The following NCOR2 variants were observed in gnomAD, a reference collection of about 807,000 sequenced individuals.
NCOR2 encodes CTG repeat protein 26.
A neutral mutation model predicts 262.9 loss-of-function variants in NCOR2; 81 were observed. The ratio of observed to expected loss-of-function variants is 0.31; its 90% CI spans 0.26 to 0.37. NCOR2 has a LOEUF of 0.37. Among genes scored for constraint, NCOR2 ranks in the 10% least tolerant of loss-of-function variants. The pLI is 1.00. For missense variants in NCOR2, 3,385 were observed against 3,621.4 expected, an observed-to-expected ratio of 0.93 and a Z score of 1.68; for synonymous variants, 1,659 against 1,559.3, an observed-to-expected ratio of 1.06 and a Z score of -1.51.
At chr12:124,478,061 A>G (rs2047203313) in intron 3 of NCOR2, among the ~76,000 whole-genome samples, 1 of 152,208 alleles carries the variant, frequency 6.6e-6, no homozygotes. Flanking sequence ...GGTGAGGAGG[A>G]AAAGCAGTTT....
intron 19 of NCOR2, among the ~76,000 whole-genome samples, chr12:124,373,093 G>A (rs1033828238): frequency 2.0e-5 from 3 of 152,242 alleles, no homozygotes; most frequent in Admixed American, 1.3e-4. Flanking sequence ...CTCACAGGGC[G>A]GAGAAGCTGG....
chr12:124,344,189 C>T (rs368812696), intron 32 of NCOR2, among the ~76,000 whole-genome samples: 1 of 152,236 alleles, frequency 6.6e-6, no homozygotes, highest in East Asian at 1.9e-4. Context: ...CTGGGGAGGA[C>T]GAAGGAATCC....
chr12:124,388,527 A>G (rs2040988155), intron 16 of NCOR2, among the ~76,000 whole-genome samples: 1 of 152,002 alleles, frequency 6.6e-6, no homozygotes, highest in Admixed American at 6.5e-5. Context: ...GAGAGAGGAG[A>G]GGGCATGGGG....
chr12:124,559,537 A>G (rs1021104481), intron 1 of NCOR2, among the ~76,000 whole-genome samples: 6 of 152,170 alleles, frequency 3.9e-5, no homozygotes, highest in Non-Finnish European at 7.4e-5. Flanking sequence ...GTTTCCTCCT[A>G]TGGAATGCTG....
intron 1 of NCOR2, among the ~76,000 whole-genome samples, chr12:124,527,208 G>A (rs914768490): frequency 3.9e-5 from 6 of 152,118 alleles, no homozygotes; most frequent in East Asian, 1.9e-4. Flanking sequence ...ACGGCGCCCC[G>A]CACAGACGCG....
At chr12:124,495,468 G>T (rs146158053), upstream of NCOR2, 1 of 889,620 alleles carries the variant, frequency 1.1e-6, no homozygotes, top group Non-Finnish European at 1.6e-6. This position sits in a 1 kb window ranked among gnomAD's most constrained non-coding sequence, Gnocchi z 4.4. Flanking sequence ...GTGAGGACAC[G>T]CGAGCACCCA....
chr12:124,394,419 G>A (rs1335327955), intron 16 of NCOR2, among the ~76,000 whole-genome samples: 3 of 152,192 alleles, frequency 2.0e-5, no homozygotes, highest in Non-Finnish European at 4.4e-5. Flanking sequence ...AAAACCCCAG[G>A]AAGGTGGGTG....
intron 17 of NCOR2, among the ~76,000 whole-genome samples, chr12:124,379,540 G>T (rs1042287700): frequency 3.9e-5 from 6 of 152,234 alleles, no homozygotes; most frequent in African/African-American, 1.4e-4. Context: ...GGACTGGAAA[G>T]ACACTGGGGG....
chr12:124,376,026 G>A (rs1360158156), intron 18 of NCOR2, among the ~76,000 whole-genome samples: 1 of 152,178 alleles, frequency 6.6e-6, no homozygotes, highest in Non-Finnish European at 1.5e-5. Flanking sequence ...GGCTGGGCCG[G>A]CAGACCCCGA....
intron 5 of NCOR2, among the ~76,000 whole-genome samples, chr12:124,464,920 A>T (rs2136624509): frequency 6.6e-6 from 1 of 152,300 alleles, no homozygotes; most frequent in Non-Finnish European, 1.5e-5. Context: ...GTGAGGGGTC[A>T]GGGTGTGGGA....
intron 2 of NCOR2, among the ~76,000 whole-genome samples, chr12:124,484,871 C>T (rs2047692238): frequency 6.6e-6 from 1 of 152,248 alleles, no homozygotes. Context: ...TCCCCAGGTA[C>T]TGGCGCACAG....
chr12:124,522,717 G>A (rs2050254084), intron 1 of NCOR2, among the ~76,000 whole-genome samples: 3 of 152,222 alleles, frequency 2.0e-5, no homozygotes, highest in South Asian at 2.1e-4. Flanking sequence ...TCGCATGCCC[G>A]GAAACACCTT....
upstream of NCOR2, among the ~76,000 whole-genome samples, chr12:124,499,970 C>T (rs185331529): frequency 9.9e-4 from 150 of 152,190 alleles, 1 homozygote; most frequent in Non-Finnish European, 1.7e-3. Context: ...GCTGACTCTG[C>T]AGGCCGAGGA....
At chr12:124,487,721 T>G (rs1197522408) in intron 1 of NCOR2, among the ~76,000 whole-genome samples, 1 of 152,262 alleles carries the variant, frequency 6.6e-6, no homozygotes, top group African/African-American at 2.4e-5. Flanking sequence ...ATAGCACAAT[T>G]GTCCTGTACG....
intron 8 of NCOR2, among the ~76,000 whole-genome samples, chr12:124,433,449 C>G (rs1043334163): frequency 4.3e-4 from 65 of 152,306 alleles, no homozygotes; most frequent in Middle Eastern, 3.4e-3. Flanking sequence ...CCAGCGGGGC[C>G]TCAGCCTGTC....
intron 16 of NCOR2, among the ~76,000 whole-genome samples, chr12:124,393,243 C>G (rs145849152): frequency 3.7e-4 from 57 of 152,324 alleles, no homozygotes; most frequent in African/African-American, 1.2e-3. Flanking sequence ...CCCCTCCTTC[C>G]CCACTTGGCG....
chr12:124,414,395 C>T (rs570482902), intron 13 of NCOR2, among the ~76,000 whole-genome samples: 119 of 152,328 alleles, frequency 7.8e-4, no homozygotes, highest in African/African-American at 2.7e-3. Context: ...TCACTGTCGC[C>T]GTCATCATCA....
exon 47 of NCOR2, chr12:124,324,444 G>A (rs1291756072): frequency 6.6e-6 from 1 of 152,232 alleles, no homozygotes; most frequent in Non-Finnish European, 1.5e-5. Context: ...TAATTAGAAC[G>A]ACGTGTGTAA....
At chr12:124,535,150 T>G (rs906985846) in intron 1 of NCOR2, among the ~76,000 whole-genome samples, 1 of 152,172 alleles carries the variant, frequency 6.6e-6, no homozygotes, top group South Asian at 2.1e-4. Context: ...CAGGGCTTCC[T>G]CCAGCACCCA....
Sources: allele counts gnomAD v4.1 joint callset (sites outside exome capture counted in the v4.1 genomes callset), GRCh38; gene constraint gnomAD v4.1.1; non-coding constraint Gnocchi (gnomAD v3.1); transcripts MANE v1.5; gene names NCBI Gene and HGNC (gene_info 2026-07-23, HGNC 2026-07-21).